GRAMD4: variants seen among roughly 807,000 people sequenced by gnomAD.
GRAMD4 encodes the protein GRAM domain-containing protein 4.
In GRAMD4, 25 loss-of-function variants were observed where a neutral mutation model predicts 83.9. That is an observed-to-expected ratio of 0.30 (90% CI 0.22 to 0.42). The LOEUF (loss-of-function observed/expected upper bound fraction) is 0.42, where lower values mean the gene tolerates loss of function less well. Among genes scored for constraint, GRAMD4 ranks in the 10% least tolerant of loss-of-function variants. The pLI is 1.00. For synonymous variants in GRAMD4, 336 were observed against 320.9 expected (o/e 1.05, Z -0.50); for missense variants, 593 against 788.7 (o/e 0.75, Z 2.97).
rs574686630 is a variant in GRAMD4, at chr22:46,595,076, A to G, written c.-50+17786A>G. 4.6e-5 allele frequency among the ~76,000 whole-genome samples: 7 copies of G among 152,198 alleles called. No homozygotes were observed. The South Asian group carries it at 1.2e-3, about 27-fold the overall frequency. ...TGGCGTCGAGGCAAAGCAGCAGGAA[A>G]GTTGGGTCCGCATCCCAGCCCCACA... is the stretch of plus-strand genomic sequence containing the variant. On this transcript the variant is annotated intron_variant, in intron 1 of 1. Transcript: ENST00000431155.
chr22:46,594,802 G>A (rs1030323976), intron 1 of GRAMD4, among the ~76,000 whole-genome samples: 23 of 151,688 alleles, frequency 1.5e-4, no homozygotes, highest in African/African-American at 5.6e-4. Context: ...TGGGGGAGGG[G>A]CAGCACGGGG....
At chr22:46,594,809 G>A (rs952345438) in intron 1 of GRAMD4, among the ~76,000 whole-genome samples, 7 of 151,912 alleles carry the variant, frequency 4.6e-5, no homozygotes, top group Admixed American at 1.3e-4. Context: ...GGGGCAGCAC[G>A]GGGAGCTGGG....
At chr22:46,624,242 G>T in intron 1 of GRAMD4, among the ~76,000 whole-genome samples, 1 of 130,280 alleles carries the variant, frequency 7.7e-6, no homozygotes, top group Non-Finnish European at 1.6e-5. Context: ...TTACTTAGTG[G>T]CTTTTTTTTT....
intron 3 of GRAMD4, among the ~76,000 whole-genome samples, chr22:46,642,184 G>A (rs6008939): frequency 0.32 from 49,134 of 152,180 alleles, 8,447 homozygotes; most frequent in Non-Finnish European, 0.36. Flanking sequence ...TTGCCTTTCG[G>A]TGTGACCAGA....
chr22:46,660,254 G>A (rs2082307810), intron 4 of GRAMD4, among the ~76,000 whole-genome samples: 1 of 152,210 alleles, frequency 6.6e-6, no homozygotes, highest in Admixed American at 6.5e-5. Flanking sequence ...CTGTGACCCA[G>A]GAAGTGGAAG....
At chr22:46,668,032 T>G in intron 10 of GRAMD4, 64 bp from the exon 11 acceptor site, 1 of 1,186,864 alleles carries the variant, frequency 8.4e-7, no homozygotes, top group Non-Finnish European at 1.3e-6. Context: ...CCACACTGTT[T>G]TGTCAGTGGT....
intron 1 of GRAMD4, among the ~76,000 whole-genome samples, chr22:46,606,585 T>C (rs79659361): frequency 0.2 from 6,046 of 30,164 alleles, 1,336 homozygotes; most frequent in East Asian, 0.54. Flanking sequence ...GCTGAGCATC[T>C]CTGCATGGGT....
In GRAMD4 at chr22:46,663,064, C is replaced by T. The variant is rs564439460; in HGVS notation, c.491C>T (p.Ser164Leu). ...GAGCGCCGGAGCCAGGGGCTGTCCT[C>T]GCGCCTGCAGAAGTGGTTCTACGAG... Reference protein sequence around the residue: ...GAERRSQGLSSRLQKWFYERF... With the variant: ...GAERRSQGLSLRLQKWFYERF... Residue 164 changes from serine (S) to leucine (L), a missense_variant, in exon 6 of 19, where the codon TCG becomes TTG. By Grantham distance (145) the Ser-to-Leu change is moderately radical. This residue lies in a region of GRAMD4 where 312 missense variants were observed against 350.7 expected (regional missense o/e 0.89). Coordinates refer to ENST00000406902, the MANE Select transcript of GRAMD4 (RefSeq NM_015124.5). 2.2e-5 allele frequency: 35 copies of T among 1,611,676 alleles called. No individual in the cohort carries two copies. Among genetic ancestry groups the T allele is most frequent in the Middle Eastern group, 1.7e-4 (1 of 5,932 alleles).
intron 13 of GRAMD4, chr22:46,671,033 C>T (rs1190684531): frequency 4.5e-6 from 2 of 446,356 alleles, no homozygotes. Context: ...TATCGGTGCC[C>T]ATGTATTCTT....
At chr22:46,612,650 C>G (rs1195896329) in intron 1 of GRAMD4, among the ~76,000 whole-genome samples, 1 of 152,228 alleles carries the variant, frequency 6.6e-6, no homozygotes, top group African/African-American at 2.4e-5. Context: ...GCTACCTCTA[C>G]CTAAAGACCT....
chr22:46,665,224 T>C (rs970809651), intron 8 of GRAMD4, among the ~76,000 whole-genome samples: 1 of 152,224 alleles, frequency 6.6e-6, no homozygotes, highest in Admixed American at 6.5e-5. Flanking sequence ...GTGCCTGGCA[T>C]GAAGGTGGCC....
intron 15 of GRAMD4, among the ~76,000 whole-genome samples, chr22:46,674,160 G>GA (rs2082558776): frequency 6.6e-6 from 1 of 152,262 alleles, no homozygotes; most frequent in Non-Finnish European, 1.5e-5. Flanking sequence ...CGTGTCTGGA[G>GA]AAACAAGAGC....
chr22:46,575,850 G>C (rs1007528281), upstream of GRAMD4, among the ~76,000 whole-genome samples: 1 of 152,232 alleles, frequency 6.6e-6, no homozygotes, highest in African/African-American at 2.4e-5. Context: ...CAGTTCTGCA[G>C]ACAGGAACCT....
At chr22:46,620,319 G>A, upstream of GRAMD4, 1 of 985,668 alleles carries the variant, frequency 1.0e-6, no homozygotes, top group Non-Finnish European at 1.2e-6. The surrounding 1 kb of genome is among the most constrained non-coding windows in gnomAD (Gnocchi z 4.7). Context: ...GCCGGGCGCC[G>A]CCCTGAGCCT....
downstream of GRAMD4, among the ~76,000 whole-genome samples, chr22:46,681,362 G>T (rs886697066): frequency 3.3e-5 from 5 of 152,256 alleles, no homozygotes; most frequent in Non-Finnish European, 7.3e-5. Context: ...TCACCATTTA[G>T]TGTCAATAAA....
chr22:46,590,106 G>A (rs375116339), intron 1 of GRAMD4, among the ~76,000 whole-genome samples: 42 of 152,338 alleles, frequency 2.8e-4, no homozygotes, highest in African/African-American at 7.7e-4. Flanking sequence ...GGGCAGAGCC[G>A]TGGCAGTCAG....
chr22:46,600,338 C>A (rs116992390), intron 1 of GRAMD4, among the ~76,000 whole-genome samples: 1 of 152,208 alleles, frequency 6.6e-6, no homozygotes, highest in African/African-American at 2.4e-5. Flanking sequence ...GCTTTGCCAG[C>A]TTGGGGCCAG....
At chr22:46,619,645 C>T (rs1206981009), upstream of GRAMD4, among the ~76,000 whole-genome samples, 1 of 152,224 alleles carries the variant, frequency 6.6e-6, no homozygotes, top group African/African-American at 2.4e-5. Context: ...GCCCCCGGTC[C>T]TCCTGTTCAC....
chr22:46,602,185 G>A (rs1027167571), intron 1 of GRAMD4, among the ~76,000 whole-genome samples: 2 of 152,186 alleles, frequency 1.3e-5, no homozygotes, highest in Admixed American at 6.5e-5. Context: ...GCCGGGAGAC[G>A]GCCTTGCCCC....
Sources: allele counts gnomAD v4.1 joint callset (sites outside exome capture counted in the v4.1 genomes callset), GRCh38; gene constraint gnomAD v4.1.1; regional missense constraint gnomAD v4.1.1; non-coding constraint Gnocchi (gnomAD v3.1); transcripts MANE v1.5; gene names NCBI Gene and HGNC (gene_info 2026-07-23, HGNC 2026-07-21).